The following FSIP1 variants were observed in gnomAD, a reference collection of about 807,000 sequenced individuals.
FSIP1 encodes fibrous sheath-interacting protein 1.
Under a neutral mutation model 60.9 loss-of-function variants are expected in FSIP1, and 65 were observed. The observed-to-expected ratio is 1.07, with a 90% confidence interval of 0.87 to 1.31. The LOEUF (loss-of-function observed/expected upper bound fraction) is 1.31. Among genes scored for constraint, FSIP1 ranks in the 40% most tolerant of loss-of-function variants. The pLI, the probability that FSIP1 is intolerant of heterozygous loss-of-function variation, is 0.00. For synonymous variants in FSIP1, 209 were observed against 221.2 expected (o/e 0.94, Z 0.49); for missense variants, 675 against 665.5 (o/e 1.01, Z -0.16).
chr15:39,656,925 T>TG (rs1893095152), intron 10 of FSIP1, among the ~76,000 whole-genome samples: 1 of 152,208 alleles, frequency 6.6e-6, no homozygotes, highest in Admixed American at 6.5e-5. Context: ...TGAGGGCCCG[T>TG]GTGTGTTGCT....
intron 10 of FSIP1, among the ~76,000 whole-genome samples, chr15:39,642,840 A>T (rs1892432954): frequency 6.6e-6 from 1 of 152,154 alleles, no homozygotes; most frequent in South Asian, 2.1e-4. Context: ...AAGTGTATAA[A>T]CTCACTGGTT....
At chr15:39,620,260 A>G (rs1319513447) in intron 10 of FSIP1, among the ~76,000 whole-genome samples, 2 of 152,214 alleles carry the variant, frequency 1.3e-5, no homozygotes, top group African/African-American at 4.8e-5. Flanking sequence ...GACTAAGGTA[A>G]GCAAAAATTG....
At chr15:39,714,583 C>T (rs1895660850) in intron 9 of FSIP1, among the ~76,000 whole-genome samples, 1 of 151,314 alleles carries the variant, frequency 6.6e-6, no homozygotes, top group Admixed American at 6.6e-5. Flanking sequence ...CATTCACCAG[C>T]AGTTTTTAAA....
intron 3 of FSIP1, among the ~76,000 whole-genome samples, chr15:39,767,208 T>C (rs1223440602): frequency 1.3e-5 from 2 of 152,146 alleles, no homozygotes; most frequent in African/African-American, 4.8e-5. Flanking sequence ...AAAAAGGATA[T>C]TATTAATAAG....
At chr15:39,721,113 A>G (rs1010485870) in intron 9 of FSIP1, among the ~76,000 whole-genome samples, 5 of 152,190 alleles carry the variant, frequency 3.3e-5, no homozygotes, top group African/African-American at 9.7e-5. Context: ...TAAGGAAAAG[A>G]AGACTTCTTA....
chr15:39,705,461 T>C (rs543565061), intron 10 of FSIP1, among the ~76,000 whole-genome samples: 2 of 152,242 alleles, frequency 1.3e-5, no homozygotes, highest in East Asian at 3.9e-4. Context: ...AAAATATCTT[T>C]AAATAAGAGA....
At chr15:39,778,511 GT>G (rs1284391927) in intron 1 of FSIP1, among the ~76,000 whole-genome samples, 1 of 152,170 alleles carries the variant, frequency 6.6e-6, no homozygotes, top group Non-Finnish European at 1.5e-5. Context: ...AAAGGTATTG[GT>G]AAAGGGTATT....
At position 39,661,341 on chromosome 15, in the gene FSIP1, T is replaced by C. The variant is rs76582471; in HGVS notation, c.1189-43096A>G. Among the ~76,000 whole-genome samples, 1,400 of 152,284 alleles carry C rather than the reference T, an allele frequency of 9.2e-3. 24 individuals are homozygous for C. The highest frequency in any genetic ancestry group is 0.032 in the African/African-American group (1,343 of 41,568). On this transcript the variant is annotated intron_variant, in intron 10 of 11. Transcript: ENST00000350221. ...GTATACAATAGATCTGGACAGATAA[T>C]TGGGAAGCAGAGCATCTGCTACAAA...
At chr15:39,657,110 G>A (rs929613999) in intron 10 of FSIP1, among the ~76,000 whole-genome samples, 3 of 152,190 alleles carry the variant, frequency 2.0e-5, no homozygotes, top group East Asian at 1.9e-4. Context: ...CTCAAAGACC[G>A]GGCATTTCCC....
At chr15:39,641,775 C>T (rs1892381500) in intron 10 of FSIP1, among the ~76,000 whole-genome samples, 3 of 152,166 alleles carry the variant, frequency 2.0e-5, no homozygotes, top group African/African-American at 7.2e-5. Flanking sequence ...AAGACTATAA[C>T]GTAAGCCTCA....
intron 10 of FSIP1, among the ~76,000 whole-genome samples, chr15:39,620,632 C>A (rs180687801): frequency 6.6e-6 from 1 of 150,834 alleles, no homozygotes; most frequent in African/African-American, 2.4e-5. Flanking sequence ...TGCTCTGTCG[C>A]GCAGGCTGGA....
intron 10 of FSIP1, among the ~76,000 whole-genome samples, chr15:39,669,060 C>A (rs1024006382): frequency 1.3e-5 from 2 of 152,100 alleles, no homozygotes; most frequent in Admixed American, 1.3e-4. Context: ...CACTCCATGC[C>A]CTTCAAGAAA....
chr15:39,632,358 T>TG (rs1566860679), intron 10 of FSIP1, among the ~76,000 whole-genome samples: 1 of 152,080 alleles, frequency 6.6e-6, no homozygotes, highest in Non-Finnish European at 1.5e-5. Flanking sequence ...TTAATTTTTT[T>TG]GTAGAGATGA....
intron 8 of FSIP1, among the ~76,000 whole-genome samples, chr15:39,735,777 TTTTC>T (rs1225742747): frequency 2.6e-5 from 4 of 152,192 alleles, no homozygotes; most frequent in South Asian, 2.1e-4. Flanking sequence ...TACAAAAATA[TTTTC>T]TTTCTTTGTA....
chr15:39,712,206 TGC>T (rs1491500317), intron 10 of FSIP1, among the ~76,000 whole-genome samples: 34,755 of 151,922 alleles, frequency 0.23, 4,970 homozygotes, highest in African/African-American at 0.39. Flanking sequence ...TCAGTGCTGC[TGC>T]AGTGGGCCTG....
chr15:39,616,393 A>C (rs532858272), intron 11 of FSIP1, among the ~76,000 whole-genome samples: 2 of 152,312 alleles, frequency 1.3e-5, no homozygotes, highest in Non-Finnish European at 2.9e-5. Context: ...TAAGGAAGAG[A>C]AGGTGAGTGT....
chr15:39,695,970 C>T (rs144836214), intron 10 of FSIP1, among the ~76,000 whole-genome samples: 7 of 152,170 alleles, frequency 4.6e-5, no homozygotes, highest in African/African-American at 4.8e-5. Flanking sequence ...CAGGCGCTTT[C>T]GCAAGAACAT....
At chr15:39,642,453 TAGC>T (rs1306248763) in intron 10 of FSIP1, among the ~76,000 whole-genome samples, 2 of 152,214 alleles carry the variant, frequency 1.3e-5, no homozygotes, top group African/African-American at 4.8e-5. Context: ...GGGCGGCTCT[TAGC>T]AGCCTGTTTC....
At chr15:39,761,275 T>G (rs1441014368) in intron 5 of FSIP1, among the ~76,000 whole-genome samples, 1 of 152,216 alleles carries the variant, frequency 6.6e-6, no homozygotes, top group Admixed American at 6.5e-5. Context: ...TGCTCTCCCA[T>G]GCTCACTGCA....
Sources: allele counts gnomAD v4.1 joint callset (sites outside exome capture counted in the v4.1 genomes callset), GRCh38; gene constraint gnomAD v4.1.1; transcripts MANE v1.5; gene names NCBI Gene and HGNC (gene_info 2026-07-23, HGNC 2026-07-21).